The following MPPED2 variants were observed in gnomAD, a reference collection of about 807,000 sequenced individuals.
MPPED2 encodes metallophosphoesterase domain containing 2, also known as metallophosphoesterase MPPED2.
A neutral mutation model predicts 33.0 loss-of-function variants in MPPED2; 5 were observed. The observed-to-expected ratio is 0.15, with a 90% CI of 0.08 to 0.32. The LOEUF (loss-of-function observed/expected upper bound fraction) is 0.32, where lower values mean the gene tolerates loss of function less well. Ranked by LOEUF, MPPED2 falls within the 10% of genes least tolerant of loss-of-function variation. MPPED2 has a pLI of 1.00. For missense variants in MPPED2, 275 were observed against 372.1 expected (o/e 0.74, Z 2.15); for synonymous variants, 136 against 141.9 (o/e 0.96, Z 0.29).
At chr11:30,413,073 C>A (rs1208778377) in intron 6 of MPPED2, among the ~76,000 whole-genome samples, 1 of 152,144 alleles carries the variant, frequency 6.6e-6, no homozygotes, top group Admixed American at 6.5e-5. Flanking sequence ...GATATCCACT[C>A]TCTGGGAGCT....
intron 4 of MPPED2, among the ~76,000 whole-genome samples, chr11:30,429,824 T>C (rs1238228059): frequency 6.6e-6 from 1 of 152,158 alleles, no homozygotes; most frequent in Non-Finnish European, 1.5e-5. Context: ...CTTTCCCCAA[T>C]CCCCTCAGCC....
chr11:30,520,499 T>G (rs1295946273), intron 3 of MPPED2, among the ~76,000 whole-genome samples: 2 of 152,206 alleles, frequency 1.3e-5, no homozygotes, highest in Non-Finnish European at 2.9e-5. Context: ...CTTCCTTTTG[T>G]TTGCCTTTCT....
chr11:30,554,981 G>T (rs1235752332), intron 2 of MPPED2, among the ~76,000 whole-genome samples: 1 of 152,172 alleles, frequency 6.6e-6, no homozygotes, highest in Non-Finnish European at 1.5e-5. Flanking sequence ...CAGCTGTGCT[G>T]GTTTAGACTA....
chr11:30,544,128 A>C (rs1955282804), intron 2 of MPPED2, among the ~76,000 whole-genome samples: 1 of 152,176 alleles, frequency 6.6e-6, no homozygotes, highest in Non-Finnish European at 1.5e-5. Flanking sequence ...ATATGAATTC[A>C]TGGTCCTTCT....
At chr11:30,398,589 T>C (rs762122467) in intron 6 of MPPED2, among the ~76,000 whole-genome samples, 5 of 152,202 alleles carry the variant, frequency 3.3e-5, no homozygotes, top group African/African-American at 4.8e-5. Context: ...TTCTTGGTTC[T>C]TTCCCTCTCT....
chr11:30,513,912 C>G (rs1333172332), intron 3 of MPPED2, among the ~76,000 whole-genome samples: 1 of 152,234 alleles, frequency 6.6e-6, no homozygotes, highest in Non-Finnish European at 1.5e-5. Context: ...ATCTCAGTCA[C>G]TGGCCAAGCC....
rs559259244 is a variant in MPPED2 at position 30,471,355 on chromosome 11, T to C, written c.536+23941A>G. ...AATTGTCCTGCTTAAAACCTTTCCATGGTTCACCAAAACCACAGGATACCA... is the reference window on the plus strand; with the variant it reads ...AATTGTCCTGCTTAAAACCTTTCCACGGTTCACCAAAACCACAGGATACCA... On this transcript the variant is annotated intron_variant, in intron 4 of 6. Coordinates refer to ENST00000358117, the MANE Select transcript of MPPED2 (RefSeq NM_001584.3). Among the ~76,000 whole-genome samples, 21 of 152,340 alleles carry C rather than the reference T, an allele frequency of 1.4e-4. No individual in the cohort carries two copies. The South Asian group carries it at 4.3e-3, about 32-fold the overall frequency.
rs1948083184 is a variant in MPPED2 at position 30,411,027 on chromosome 11, A to AAC, written c.*440_*441insGT. On this transcript the variant is annotated 3_prime_UTR_variant, in exon 7 of 7. Transcript: ENST00000358117. ...CTGCAAAAAAGAAGCATTACCAAGAAAACAACAACAACAAAACATTGAAAA... is the reference window on the plus strand; with the variant it reads ...CTGCAAAAAAGAAGCATTACCAAGAAACAACAACAACAACAAAACATTGAAAA... 6.1e-6 allele frequency: 6 copies of AAC among 985,812 alleles called. No individual in the cohort carries two copies. The East Asian group carries it at 6.8e-4, about 112-fold the overall frequency. The allele number at this position is 985,812 out of a possible 1,614,324, so 61.1% of individuals were successfully genotyped here.
intron 6 of MPPED2, among the ~76,000 whole-genome samples, chr11:30,395,594 C>G (rs1245105640): frequency 6.6e-6 from 1 of 152,036 alleles, no homozygotes; most frequent in Non-Finnish European, 1.5e-5. Context: ...GATATTGTTC[C>G]CATGGTTGAG....
intron 3 of MPPED2, among the ~76,000 whole-genome samples, chr11:30,518,689 T>A (rs549736105): frequency 2.6e-5 from 4 of 152,290 alleles, no homozygotes; most frequent in African/African-American, 9.6e-5. Context: ...TTAGCTGACT[T>A]TTTTGATGAA....
At chr11:30,585,577 T>G (rs963573882) in intron 1 of MPPED2, among the ~76,000 whole-genome samples, 6 of 151,954 alleles carry the variant, frequency 3.9e-5, no homozygotes, top group Non-Finnish European at 5.9e-5. Context: ...CGCTGAGCCC[T>G]CGTCCCCACC....
intron 2 of MPPED2, among the ~76,000 whole-genome samples, chr11:30,576,394 G>T (rs1202439238): frequency 6.6e-6 from 1 of 152,130 alleles, no homozygotes; most frequent in Non-Finnish European, 1.5e-5. Flanking sequence ...TAAGGAAAGT[G>T]GCTAAAACTG....
chr11:30,388,971 G>C (rs1329445830), intron 6 of MPPED2: 23 of 1,552,702 alleles, frequency 1.5e-5, no homozygotes, highest in Admixed American at 2.0e-5. Flanking sequence ...AGGGGAGAGA[G>C]AGAAAGAGAG....
At chr11:30,435,311 C>G (rs1258681197) in intron 4 of MPPED2, among the ~76,000 whole-genome samples, 3 of 152,140 alleles carry the variant, frequency 2.0e-5, no homozygotes, top group South Asian at 2.1e-4. Context: ...GCTAGCCAGT[C>G]AAATATCTTC....
chr11:30,542,712 C>T (rs992303523), intron 2 of MPPED2, among the ~76,000 whole-genome samples: 23 of 152,084 alleles, frequency 1.5e-4, no homozygotes, highest in Admixed American at 1.4e-3. Flanking sequence ...AAGTGTCTTG[C>T]TTATTAATAC....
chr11:30,568,969 T>G (rs1335510391), intron 2 of MPPED2, among the ~76,000 whole-genome samples: 2 of 152,168 alleles, frequency 1.3e-5, no homozygotes, highest in African/African-American at 4.8e-5. Flanking sequence ...CACTTACATG[T>G]TGGAGGAAAT....
At chr11:30,578,744 T>G (rs1957035358) in intron 2 of MPPED2, among the ~76,000 whole-genome samples, 1 of 152,186 alleles carries the variant, frequency 6.6e-6, no homozygotes. Flanking sequence ...CTGAAGCTAT[T>G]CTAAAGTATG....
At chr11:30,500,016 C>G (rs559744019) in intron 3 of MPPED2, among the ~76,000 whole-genome samples, 1 of 152,164 alleles carries the variant, frequency 6.6e-6, no homozygotes, top group Non-Finnish European at 1.5e-5. Flanking sequence ...TCTTCTCATA[C>G]AGCCCACTTA....
intron 3 of MPPED2, among the ~76,000 whole-genome samples, chr11:30,533,545 C>A (rs1954649568): frequency 1.3e-5 from 2 of 152,176 alleles, no homozygotes; most frequent in South Asian, 2.1e-4. Context: ...CACCTGGCAG[C>A]TGCTGCTAGA....
Sources: allele counts gnomAD v4.1 joint callset (sites outside exome capture counted in the v4.1 genomes callset), GRCh38; gene constraint gnomAD v4.1.1; transcripts MANE v1.5; gene names NCBI Gene and HGNC (gene_info 2026-07-23, HGNC 2026-07-21).